The following SPATA17 variants were observed in gnomAD, a reference collection of about 807,000 sequenced individuals.
SPATA17 encodes spermatogenesis-associated protein 17.
In SPATA17, 53 loss-of-function variants were observed where a neutral mutation model predicts 62.2. The observed-to-expected ratio is 0.85, with a 90% confidence interval of 0.68 to 1.07. SPATA17 has a LOEUF of 1.07. Among genes scored for constraint, SPATA17 ranks in the 50% least tolerant of loss-of-function variants. SPATA17 has a pLI of 0.00. For missense variants in SPATA17, 466 were observed against 425.5 expected, an observed-to-expected ratio of 1.10 and a Z score of -0.84; for synonymous variants, 146 against 146.8, an observed-to-expected ratio of 0.99 and a Z score of 0.04.
At chr1:217,847,618 A>G (rs1675557550) in intron 9 of SPATA17, among the ~76,000 whole-genome samples, 1 of 152,178 alleles carries the variant, frequency 6.6e-6, no homozygotes, top group Non-Finnish European at 1.5e-5. Context: ...CTGCATTCTA[A>G]TATGTTTTAG....
At chr1:217,833,471 G>C (rs1675193084) in intron 9 of SPATA17, among the ~76,000 whole-genome samples, 4 of 152,134 alleles carry the variant, frequency 2.6e-5, no homozygotes. Flanking sequence ...CTATGGGCTT[G>C]GGCTTTTGTG....
chr1:217,681,759 C>T (rs1435792140), intron 4 of SPATA17, among the ~76,000 whole-genome samples: 1 of 151,968 alleles, frequency 6.6e-6, no homozygotes, highest in Non-Finnish European at 1.5e-5. Flanking sequence ...TGTTTTAAAA[C>T]AGAGAAAAAT....
intron 5 of SPATA17, among the ~76,000 whole-genome samples, chr1:217,687,009 G>T (rs903099178): frequency 6.6e-6 from 1 of 152,168 alleles, no homozygotes; most frequent in East Asian, 1.9e-4. Context: ...GTGAGCCAAC[G>T]TGTCCAGCTG....
intron 5 of SPATA17, among the ~76,000 whole-genome samples, chr1:217,693,647 C>G (rs1246681557): frequency 2.3e-5 from 1 of 43,920 alleles, no homozygotes; most frequent in Non-Finnish European, 4.2e-5. Context: ...AAATTTCCCT[C>G]TACACACTGC....
At chr1:217,768,404 G>A (rs1242389123) in intron 6 of SPATA17, among the ~76,000 whole-genome samples, 3 of 151,970 alleles carry the variant, frequency 2.0e-5, no homozygotes. Context: ...CTTTAACAGA[G>A]GCATATGGTT....
intron 5 of SPATA17, among the ~76,000 whole-genome samples, chr1:217,702,863 G>C (rs1301814915): frequency 6.6e-6 from 1 of 151,170 alleles, no homozygotes. Flanking sequence ...TTTTTTTCAG[G>C]TATTTGAACA....
Position 217,856,865 on chromosome 1 carries a change from G to A in SPATA17, c.1006-5909G>A, listed in dbSNP as rs534539577. The stretch of plus-strand genomic sequence containing the variant: ...GTTTGATCTTGCAGGAATAATGCCG[G>A]GTGATCTTTTAAACCTGCCTGTAAA... On this transcript the variant is annotated intron_variant, in intron 9 of 10. Transcript: ENST00000366933. Among the ~76,000 whole-genome samples the A allele has an allele frequency of 5.3e-5, 8 of 152,206 alleles. 1 individual carries two copies. The East Asian group carries it at 5.8e-4, about 11-fold the overall frequency.
At chr1:217,733,999 A>G (rs1176319685) in intron 5 of SPATA17, among the ~76,000 whole-genome samples, 1 of 152,184 alleles carries the variant, frequency 6.6e-6, no homozygotes, top group Non-Finnish European at 1.5e-5. Flanking sequence ...CAGTAGCAAA[A>G]TAAGGTAGAT....
intron 8 of SPATA17, among the ~76,000 whole-genome samples, chr1:217,788,227 G>A (rs537376733): frequency 4.6e-5 from 7 of 152,268 alleles, no homozygotes; most frequent in African/African-American, 1.7e-4. Context: ...CCTATACATT[G>A]ATATCTTCTG....
chr1:217,654,136 T>G (rs1282733040), intron 3 of SPATA17, among the ~76,000 whole-genome samples: 1 of 151,230 alleles, frequency 6.6e-6, no homozygotes, highest in East Asian at 1.9e-4. Flanking sequence ...TATTTATTCT[T>G]ATTTACTTTT....
intron 6 of SPATA17, among the ~76,000 whole-genome samples, chr1:217,746,793 A>G (rs903316638): frequency 2.0e-4 from 30 of 152,152 alleles, no homozygotes; most frequent in African/African-American, 6.3e-4. Context: ...CTAATATTGC[A>G]ATGAGTGAAT....
chr1:217,639,008 T>A (rs1349939196), intron 1 of SPATA17, among the ~76,000 whole-genome samples: 1 of 152,110 alleles, frequency 6.6e-6, no homozygotes. Flanking sequence ...TGCAGAATTC[T>A]GACTGGGAGT....
chr1:217,822,880 T>C (rs1490399586), intron 9 of SPATA17, among the ~76,000 whole-genome samples: 1 of 151,640 alleles, frequency 6.6e-6, no homozygotes, highest in East Asian at 1.9e-4. Context: ...ATACTTTTAA[T>C]TCCCTTTTTC....
intron 5 of SPATA17, among the ~76,000 whole-genome samples, chr1:217,741,363 G>GA (rs1315756027): frequency 1.3e-5 from 2 of 151,966 alleles, no homozygotes; most frequent in African/African-American, 2.4e-5. Flanking sequence ...ATTATACTTA[G>GA]AAAAGACTTG....
intron 10 of SPATA17, among the ~76,000 whole-genome samples, chr1:217,865,924 A>C (rs1405402873): frequency 6.6e-6 from 1 of 152,206 alleles, no homozygotes; most frequent in African/African-American, 2.4e-5. Context: ...TTTGAAAAAC[A>C]ATGTACTTTT....
intron 9 of SPATA17, among the ~76,000 whole-genome samples, chr1:217,848,161 A>T (rs1269917195): frequency 2.0e-5 from 3 of 152,218 alleles, no homozygotes; most frequent in African/African-American, 7.2e-5. Context: ...TTGATATAAA[A>T]GTTAAAACAT....
chr1:217,797,127 T>G (rs1014359422), intron 8 of SPATA17, among the ~76,000 whole-genome samples: 1 of 152,220 alleles, frequency 6.6e-6, no homozygotes, highest in African/African-American at 2.4e-5. Context: ...ATGCTTTGCC[T>G]TAAAAAAGCT....
intron 9 of SPATA17, among the ~76,000 whole-genome samples, chr1:217,842,595 A>G (rs1212150703): frequency 6.6e-6 from 1 of 151,842 alleles, no homozygotes; most frequent in Admixed American, 6.6e-5. Context: ...TTTATTATAT[A>G]TTAATATTTA....
chr1:217,753,337 A>G (rs571151840), intron 6 of SPATA17, among the ~76,000 whole-genome samples: 4 of 152,272 alleles, frequency 2.6e-5, no homozygotes, highest in East Asian at 1.9e-4. Context: ...TTTTGTTTCA[A>G]TGTGCTATAC....
Sources: allele counts gnomAD v4.1 joint callset (sites outside exome capture counted in the v4.1 genomes callset), GRCh38; gene constraint gnomAD v4.1.1; transcripts MANE v1.5; gene names NCBI Gene and HGNC (gene_info 2026-07-23, HGNC 2026-07-21).